Variants in GLIS3 observed in about 807,000 individuals in gnomAD.
GLIS3 encodes GLIS family zinc finger 3.
In GLIS3, 53 loss-of-function variants were observed where a neutral mutation model predicts 78.6. The observed-to-expected ratio is 0.67, with a 90% CI of 0.54 to 0.85. GLIS3 has a LOEUF of 0.85. Ranked by LOEUF, GLIS3 falls within the 40% of genes least tolerant of loss-of-function variation. The pLI, the probability that GLIS3 is intolerant of heterozygous loss-of-function variation, is 0.00. For missense variants in GLIS3, 1,703 were observed against 1,231.1 expected (o/e 1.38, Z -5.74); for synonymous variants, 684 against 509.9 (o/e 1.34, Z -4.60).
chr9:4,371,286 T>C, the GLIS3 span, among the ~76,000 whole-genome samples: 1 of 152,172 alleles, frequency 6.6e-6, no homozygotes, highest in Non-Finnish European at 1.5e-5. Context: ...GTAACCATAG[T>C]GCACTGTAGG....
At chr9:4,014,037 G>A (rs938391799) in intron 4 of GLIS3, among the ~76,000 whole-genome samples, 10 of 152,102 alleles carry the variant, frequency 6.6e-5, no homozygotes, top group Non-Finnish European at 1.2e-4. Context: ...AAAAATGAAA[G>A]GCAGACAAAT....
chr9:4,161,675 C>CTT (rs55904647), intron 2 of GLIS3, among the ~76,000 whole-genome samples: 6,780 of 114,136 alleles, frequency 0.059, 553 homozygotes, highest in East Asian at 0.12. Context: ...TGCTAGAAGT[C>CTT]TTTTTTTTTT....
chr9:4,159,825 A>G (rs565057269), intron 2 of GLIS3, among the ~76,000 whole-genome samples: 1 of 152,338 alleles, frequency 6.6e-6, no homozygotes, highest in African/African-American at 2.4e-5. Flanking sequence ...ACAATGAAAT[A>G]CATTCAGGAG....
intron 2 of GLIS3, among the ~76,000 whole-genome samples, chr9:4,224,539 C>G (rs910337381): frequency 5.3e-5 from 8 of 152,122 alleles, no homozygotes; most frequent in African/African-American, 1.9e-4. Context: ...CACTAAGATT[C>G]TACACAGCTG....
intron 2 of GLIS3, among the ~76,000 whole-genome samples, chr9:4,234,675 G>A (rs968293434): frequency 7.2e-5 from 11 of 152,142 alleles, no homozygotes; most frequent in African/African-American, 2.4e-4. Flanking sequence ...TAGTGCCAAT[G>A]CACTTACTCG....
At chr9:4,235,932 C>T (rs1286258311) in intron 2 of GLIS3, among the ~76,000 whole-genome samples, 1 of 151,956 alleles carries the variant, frequency 6.6e-6, no homozygotes, top group Non-Finnish European at 1.5e-5. Context: ...CTGACAGAAA[C>T]AACGATCACC....
intron 9 of GLIS3, among the ~76,000 whole-genome samples, chr9:3,835,229 C>T (rs1588052419): frequency 6.6e-6 from 1 of 152,176 alleles, no homozygotes; most frequent in Non-Finnish European, 1.5e-5. Flanking sequence ...GCTACATGGA[C>T]AACACTCAGA....
At chr9:4,395,518 T>A in the GLIS3 span, among the ~76,000 whole-genome samples, 1 of 152,222 alleles carries the variant, frequency 6.6e-6, no homozygotes, top group Non-Finnish European at 1.5e-5. Flanking sequence ...AGAAGAAGAA[T>A]CTCCTGCAAC....
intron 2 of GLIS3, among the ~76,000 whole-genome samples, chr9:4,313,565 G>C (rs548594375): frequency 1.3e-5 from 2 of 152,262 alleles, no homozygotes; most frequent in Admixed American, 1.3e-4. Context: ...TCAGATTAAT[G>C]GTCCTGGATG....
intron 4 of GLIS3, among the ~76,000 whole-genome samples, chr9:4,016,280 T>A (rs1422182741): frequency 6.6e-6 from 1 of 152,014 alleles, no homozygotes. Context: ...TTATATGGAG[T>A]CTAACCATGA....
At chr9:4,162,790 G>C (rs1385229471) in intron 2 of GLIS3, among the ~76,000 whole-genome samples, 1 of 150,470 alleles carries the variant, frequency 6.6e-6, no homozygotes, top group African/African-American at 2.5e-5. Flanking sequence ...TCTGGAGGCG[G>C]AGCTTGCAGT....
At chr9:4,396,785 GTT>G in the GLIS3 span, among the ~76,000 whole-genome samples, 1 of 152,080 alleles carries the variant, frequency 6.6e-6, no homozygotes, top group South Asian at 2.1e-4. Context: ...TGGAACCCAG[GTT>G]ATAACTCTGT....
At chr9:4,115,946 A>C (rs137972866) in intron 4 of GLIS3, among the ~76,000 whole-genome samples, 226 of 152,276 alleles carry the variant, frequency 1.5e-3, no homozygotes, top group African/African-American at 5.2e-3. Flanking sequence ...GAACAATACA[A>C]TGAGAAGCTA....
chr9:3,883,801 C>A (rs1437275222), intron 7 of GLIS3, among the ~76,000 whole-genome samples: 1 of 152,182 alleles, frequency 6.6e-6, no homozygotes, highest in Non-Finnish European at 1.5e-5. Context: ...TGATTAAGCA[C>A]AGCAGAGGAA....
intron 2 of GLIS3, among the ~76,000 whole-genome samples, chr9:4,253,639 A>G (rs1824615304): frequency 6.6e-6 from 1 of 152,086 alleles, no homozygotes; most frequent in East Asian, 1.9e-4. Context: ...CTAGCGTTCC[A>G]TGTGCCACTG....
intron 2 of GLIS3, among the ~76,000 whole-genome samples, chr9:4,334,030 C>G (rs909457483): frequency 5.3e-5 from 8 of 152,094 alleles, no homozygotes; most frequent in Non-Finnish European, 1.5e-5. Flanking sequence ...ACAAAAGTGA[C>G]CTCTTCATGA....
intron 2 of GLIS3, among the ~76,000 whole-genome samples, chr9:4,268,658 T>C (rs954197126): frequency 6.6e-6 from 1 of 152,230 alleles, no homozygotes; most frequent in Non-Finnish European, 1.5e-5. Flanking sequence ...AGAATCATTA[T>C]TGATTGACAC....
At chr9:4,486,732 C>T in the GLIS3 span, among the ~76,000 whole-genome samples, 4 of 152,314 alleles carry the variant, frequency 2.6e-5, no homozygotes, top group African/African-American at 9.6e-5. Context: ...TCTTGTCACC[C>T]AGGCTGGAGT....
At chr9:4,475,904 T>C in the GLIS3 span, among the ~76,000 whole-genome samples, 1 of 152,170 alleles carries the variant, frequency 6.6e-6, no homozygotes, top group African/African-American at 2.4e-5. Context: ...TGCCAGTTTC[T>C]TGTTTGTCTG....
Sources: allele counts gnomAD v4.1 joint callset (sites outside exome capture counted in the v4.1 genomes callset), GRCh38; gene constraint gnomAD v4.1.1; transcripts MANE v1.5; gene names NCBI Gene and HGNC (gene_info 2026-07-23, HGNC 2026-07-21).